MEF2C: variants seen among roughly 807,000 people sequenced by gnomAD.
The protein encoded by MEF2C is myocyte enhancer factor 2C.
A neutral mutation model predicts 50.5 loss-of-function variants in MEF2C; 6 were observed. The observed-to-expected ratio is 0.12, with a 90% CI of 0.07 to 0.23. MEF2C has a LOEUF of 0.23. Ranked by LOEUF, MEF2C falls within the 10% of genes least tolerant of loss-of-function variation. The probability of loss-of-function intolerance (pLI) is 1.00; values close to 1 mark genes in which losing one functional copy is unlikely to be tolerated. For missense variants in MEF2C, 276 were observed against 605.0 expected (o/e 0.46, Z 5.70); for synonymous variants, 183 against 228.0 (o/e 0.80, Z 1.78).
chr5:88,758,706 T>C (rs944100488), intron 4 of MEF2C, among the ~76,000 whole-genome samples: 8 of 152,284 alleles, frequency 5.3e-5, no homozygotes, highest in East Asian at 1.9e-4. Context: ...GGGCTTTTCA[T>C]CGTGAAGACT....
chr5:88,797,862 T>C (rs1046082740), intron 3 of MEF2C, among the ~76,000 whole-genome samples: 3 of 152,230 alleles, frequency 2.0e-5, no homozygotes, highest in Non-Finnish European at 4.4e-5. Flanking sequence ...TCTCTCAGTA[T>C]TCGCTTGTCT....
At chr5:88,811,818 A>G (rs1470406735) in intron 2 of MEF2C, among the ~76,000 whole-genome samples, 3 of 152,152 alleles carry the variant, frequency 2.0e-5, no homozygotes, top group African/African-American at 7.2e-5. Flanking sequence ...AAGAAACAGG[A>G]TACATGCATC....
chr5:88,741,816 T>G (rs1766965314), intron 6 of MEF2C: 1 of 985,020 alleles, frequency 1.0e-6, no homozygotes, highest in Non-Finnish European at 1.2e-6. Flanking sequence ...AAACTTAAAT[T>G]TGAGTTCAGT....
chr5:88,734,940 C>T, intron 6 of MEF2C: 1 of 985,002 alleles, frequency 1.0e-6, no homozygotes, highest in South Asian at 4.7e-5. Context: ...CAAATAAATT[C>T]TGCTTTTTGC....
chr5:88,759,109 A>G (rs1225412206), intron 4 of MEF2C, among the ~76,000 whole-genome samples: 3 of 152,182 alleles, frequency 2.0e-5, no homozygotes, highest in African/African-American at 7.2e-5. Flanking sequence ...TTAACATCCT[A>G]CACTTACAAA....
intron 1 of MEF2C, among the ~76,000 whole-genome samples, chr5:88,854,133 T>G (rs1425380932): frequency 6.6e-6 from 1 of 152,204 alleles, no homozygotes; most frequent in Non-Finnish European, 1.5e-5. Context: ...AGAACCATAT[T>G]TTTGGTGAGA....
intron 3 of MEF2C, chr5:88,771,397 T>C (rs564198022): frequency 2.0e-6 from 2 of 979,588 alleles, no homozygotes; most frequent in Admixed American, 1.2e-4. Flanking sequence ...TAGGACACCC[T>C]ATTACCTAAT....
Position 88,718,010 on chromosome 5 carries a change from C to A in MEF2C, c.*4594G>T, listed in dbSNP as rs558208804. On this transcript the variant is annotated 3_prime_UTR_variant, in exon 11 of 11. Transcript: ENST00000504921. ...AAGAAGTTGAACCATTCAATAAGAA[C>A]CTTAGACTTCCACCACTGGCTGAAT... The A allele has an allele frequency of 1.3e-5, 2 of 152,090 alleles. No homozygotes were observed. Among genetic ancestry groups the A allele is most frequent in the Non-Finnish European group, 2.9e-5 (2 of 68,012 alleles). 9.4% of individuals were successfully genotyped at this position (152,090 alleles called of 1,614,324 possible).
At chr5:88,733,396 T>G in intron 6 of MEF2C, 1 of 985,022 alleles carries the variant, frequency 1.0e-6, no homozygotes, top group Non-Finnish European at 1.2e-6. Context: ...GTCCTTGGGT[T>G]TATATGGTGG....
upstream of MEF2C, chr5:88,887,380 C>T (rs1381603446): frequency 6.6e-6 from 1 of 152,118 alleles, no homozygotes; most frequent in Non-Finnish European, 1.5e-5. Context: ...GTATGGTGGT[C>T]ATTTAACTCT....
chr5:88,768,404 G>C (rs529948018), intron 3 of MEF2C, among the ~76,000 whole-genome samples: 4 of 152,068 alleles, frequency 2.6e-5, no homozygotes, highest in Non-Finnish European at 5.9e-5. Flanking sequence ...GCTGTAGTAG[G>C]GTCCAGACCC....
At chr5:88,746,803 G>T in intron 6 of MEF2C, 1 of 502,002 alleles carries the variant, frequency 2.0e-6, no homozygotes. Flanking sequence ...AGACTAAGTG[G>T]CATCTGCAAC....
At chr5:88,874,101 T>A (rs2149940864) in intron 1 of MEF2C, among the ~76,000 whole-genome samples, 1 of 152,070 alleles carries the variant, frequency 6.6e-6, no homozygotes, top group East Asian at 1.9e-4. Context: ...AAGTAATTGT[T>A]TTAATGGTTA....
chr5:88,800,011 T>A (rs1235469107), intron 3 of MEF2C, among the ~76,000 whole-genome samples: 1 of 152,124 alleles, frequency 6.6e-6, no homozygotes, highest in Non-Finnish European at 1.5e-5. Context: ...AGGAGTTACA[T>A]CCATCTCTGA....
intron 2 of MEF2C, among the ~76,000 whole-genome samples, chr5:88,805,593 C>A (rs1442296255): frequency 6.6e-6 from 1 of 152,126 alleles, no homozygotes; most frequent in Non-Finnish European, 1.5e-5. Flanking sequence ...GATCTCCCTG[C>A]CTGGAATCAT....
chr5:88,835,061 C>A (rs1581374739), intron 1 of MEF2C, among the ~76,000 whole-genome samples: 1 of 152,296 alleles, frequency 6.6e-6, no homozygotes, highest in Non-Finnish European at 1.5e-5. Flanking sequence ...CATCCCTCTT[C>A]CCTTGAAATG....
At chr5:88,824,079 A>G in intron 1 of MEF2C, 149 bp from the exon 2 acceptor site, 1 of 895,986 alleles carries the variant, frequency 1.1e-6, no homozygotes, top group Non-Finnish European at 1.4e-6. Flanking sequence ...AATATATGGT[A>G]TATCACAGAC....
At position 88,761,245 on chromosome 5, in the gene MEF2C, C is replaced by G; in HGVS notation, c.342G>C (p.Glu114Asp). The change falls in exon 4 of 11, where the codon GAG becomes GAC. Residue 114 changes from glutamate to aspartate, a missense_variant. Coordinates refer to ENST00000504921, the MANE Select transcript of MEF2C (RefSeq NM_002397.5). The stretch of plus-strand genomic sequence containing the variant: ...CTTCGTTAATTTTCCTGTACTTGTC[C>G]TCAGACTCAGGGCTGTGACCTACGG... Reference protein sequence around the residue: ...DDSVGHSPESEDKYRKINEDI... With the variant: ...DDSVGHSPESDDKYRKINEDI... The G allele has an allele frequency of 6.2e-7, 1 of 1,613,964 alleles. No homozygotes were observed. Among genetic ancestry groups the G allele is most frequent in the Non-Finnish European group, 8.5e-7 (1 of 1,179,874 alleles).
intron 1 of MEF2C, among the ~76,000 whole-genome samples, chr5:88,858,024 C>T (rs73179453): frequency 6.2e-4 from 94 of 152,320 alleles, no homozygotes; most frequent in African/African-American, 2.2e-3. Flanking sequence ...GAATTAAATA[C>T]ATGCAGTATT....
Sources: gnomAD v4.1 joint callset for allele counts (sites outside exome capture counted in the v4.1 genomes callset) on GRCh38, gnomAD v4.1.1 for gene constraint, MANE v1.5 for transcripts, NCBI Gene and HGNC (gene_info 2026-07-23, HGNC 2026-07-21) for gene names.